The following TBC1D4 variants were observed in gnomAD, a reference collection of about 807,000 sequenced individuals.
TBC1D4 encodes TBC1 domain family member 4, also known as TBC (Tre-2, BUB2, CDC16) domain-containing protein.
Under a neutral mutation model 142.5 loss-of-function variants are expected in TBC1D4, and 121 were observed. The ratio of observed to expected loss-of-function variants is 0.85; its 90% CI spans 0.73 to 0.99. TBC1D4 has a LOEUF of 0.99. Among genes scored for constraint, TBC1D4 ranks in the 50% least tolerant of loss-of-function variants. The pLI is 0.00. For missense variants in TBC1D4, 1,475 were observed against 1,606.6 expected, an observed-to-expected ratio of 0.92 and a Z score of 1.40; for synonymous variants, 630 against 628.2, an observed-to-expected ratio of 1.00 and a Z score of -0.04.
In TBC1D4 at chr13:75,362,529, CATT is replaced by C. The variant is rs753067499; in HGVS notation, c.574_576del (p.Asn192del). 6.2e-7 allele frequency: 1 copy of C among 1,614,220 alleles called. No homozygotes were observed. The highest frequency in any genetic ancestry group is 8.5e-7 in the Non-Finnish European group (1 of 1,180,052). On this transcript the variant is annotated inframe_deletion, in exon 2 of 21. Transcript: ENST00000377636. This position sits in a 1 kb window ranked among gnomAD's most constrained non-coding sequence, Gnocchi z 4.2. ...TTCTGAGAGTTGTAAAAGGCGTCCT[CATT>C]ATCTTTGCTGGGTTTGGCATCCTCT...
intron 1 of TBC1D4, among the ~76,000 whole-genome samples, chr13:75,416,575 A>T (rs1176398063): frequency 6.6e-6 from 1 of 152,180 alleles, no homozygotes; most frequent in East Asian, 1.9e-4. Context: ...AGAGCAACAT[A>T]CAAGCAATAC....
At chr13:75,433,628 A>T (rs940318381) in intron 1 of TBC1D4, among the ~76,000 whole-genome samples, 4 of 152,220 alleles carry the variant, frequency 2.6e-5, no homozygotes, top group African/African-American at 9.6e-5. Context: ...ATTCTAATAC[A>T]CACAATACTC....
At chr13:75,410,059 T>A (rs1885557084) in intron 1 of TBC1D4, among the ~76,000 whole-genome samples, 2 of 152,358 alleles carry the variant, frequency 1.3e-5, no homozygotes, top group Admixed American at 6.5e-5. Flanking sequence ...GCCTGCCTTG[T>A]ATAAACAAAA....
intron 1 of TBC1D4, among the ~76,000 whole-genome samples, chr13:75,474,516 G>A (rs956252042): frequency 8.5e-5 from 13 of 152,114 alleles, no homozygotes; most frequent in Admixed American, 3.3e-4. Context: ...CCGAGATTGC[G>A]CCACTGCACT....
Position 75,348,825 on chromosome 13 carries a change from C to T in TBC1D4, c.1408+345G>A, listed in dbSNP as rs551748406. 9.9e-5 allele frequency among the ~76,000 whole-genome samples: 15 copies of T among 152,194 alleles called. No individual in the cohort carries two copies. The South Asian group carries it at 2.9e-3, about 29-fold the overall frequency. On this transcript the variant is annotated intron_variant, in intron 5 of 20. Transcript: ENST00000377636. ...GTTTTGTCTCTCTTCATTCATTCAA[C>T]AAATATTTGGTCAGTTCCCACCATG... is the stretch of plus-strand genomic sequence containing the variant.
At chr13:75,335,992 T>C (rs1161017055) in intron 8 of TBC1D4, among the ~76,000 whole-genome samples, 1 of 152,242 alleles carries the variant, frequency 6.6e-6, no homozygotes, top group East Asian at 1.9e-4. Context: ...TGAGCATCAG[T>C]ATTCTATTTC....
intron 1 of TBC1D4, among the ~76,000 whole-genome samples, chr13:75,441,733 A>T (rs1887049558): frequency 6.6e-6 from 1 of 152,222 alleles, no homozygotes; most frequent in Non-Finnish European, 1.5e-5. Flanking sequence ...TTAACTCAGA[A>T]ACAGAATGAC....
At chr13:75,436,553 G>C (rs1344304277) in intron 1 of TBC1D4, among the ~76,000 whole-genome samples, 3 of 151,984 alleles carry the variant, frequency 2.0e-5, no homozygotes, top group Non-Finnish European at 4.4e-5. Context: ...CTACTCAGGA[G>C]GCTGAGGTGG....
intron 6 of TBC1D4, 33 bp downstream of exon 6, chr13:75,341,463 T>C (rs376528181): frequency 5.7e-6 from 9 of 1,586,432 alleles, no homozygotes; most frequent in Middle Eastern, 1.7e-4. Flanking sequence ...TCATTCCTTA[T>C]GTCTTATTTA....
intron 1 of TBC1D4, among the ~76,000 whole-genome samples, chr13:75,399,718 T>C (rs1884985780): frequency 6.6e-6 from 1 of 152,216 alleles, no homozygotes; most frequent in African/African-American, 2.4e-5. Flanking sequence ...ACCCATAAAT[T>C]CTTTGATGGG....
At chr13:75,434,589 C>T (rs1391831631) in intron 1 of TBC1D4, among the ~76,000 whole-genome samples, 1 of 151,922 alleles carries the variant, frequency 6.6e-6, no homozygotes, top group African/African-American at 2.4e-5. Context: ...AACAAACCCC[C>T]GTGACATGTG....
At chr13:75,306,619 G>A in intron 14 of TBC1D4, 148 bp from the exon 15 acceptor site, 1 of 937,792 alleles carries the variant, frequency 1.1e-6, no homozygotes, top group Non-Finnish European at 1.6e-6. Context: ...ACAAATTGAG[G>A]ATACATGAAA....
At chr13:75,390,750 G>A (rs1311141548) in intron 1 of TBC1D4, among the ~76,000 whole-genome samples, 1 of 150,752 alleles carries the variant, frequency 6.6e-6, no homozygotes, top group Non-Finnish European at 1.5e-5. Context: ...ATTGTCAAAA[G>A]AGAAAAACCT....
At chr13:75,350,349 A>T (rs565678475) in intron 4 of TBC1D4, among the ~76,000 whole-genome samples, 1 of 152,342 alleles carries the variant, frequency 6.6e-6, no homozygotes, top group South Asian at 2.1e-4. Flanking sequence ...TCAGTATATG[A>T]GGAAACTGAA....
chr13:75,401,273 T>C (rs886502119), intron 1 of TBC1D4, among the ~76,000 whole-genome samples: 5 of 152,222 alleles, frequency 3.3e-5, no homozygotes, highest in African/African-American at 4.8e-5. Context: ...TCCCCCTTTC[T>C]TCCTCTGAAG....
intron 1 of TBC1D4, among the ~76,000 whole-genome samples, chr13:75,405,644 T>C (rs1052818872): frequency 2.0e-5 from 3 of 152,196 alleles, no homozygotes; most frequent in Admixed American, 1.3e-4. Flanking sequence ...GAAAGGGAAG[T>C]TATTTTTCTT....
intron 9 of TBC1D4, among the ~76,000 whole-genome samples, chr13:75,327,053 C>G (rs183149003): frequency 1.3e-5 from 2 of 152,082 alleles, no homozygotes; most frequent in Admixed American, 1.3e-4. Flanking sequence ...GAATGAAAAC[C>G]GAGCTATGCT....
chr13:75,448,195 TAA>T (rs1362118699), intron 1 of TBC1D4, among the ~76,000 whole-genome samples: 1 of 152,266 alleles, frequency 6.6e-6, no homozygotes, highest in Non-Finnish European at 1.5e-5. Flanking sequence ...AAATGCTTAA[TAA>T]AAGTTTACTG....
At position 75,324,243 on chromosome 13, in the gene TBC1D4, T is replaced by A; in HGVS notation, c.2192A>T (p.Glu731Val). The A allele has an allele frequency of 1.2e-6, 2 of 1,613,860 alleles. No individual in the cohort carries two copies. The highest frequency in any genetic ancestry group is 1.7e-6 in the Non-Finnish European group (2 of 1,179,746). ...CAGAGGACACTGATCTCACCTGATT[T>A]CATTTTCATACTGTGGGGACAGTCT... ...SGRLSPQYEN[E>V]IRQDTASESS... Residue 731 changes from glutamate to valine, a missense_variant, in exon 11 of 21, where the codon GAA (glutamate) becomes GTA (valine). Glu to Val is a moderately radical substitution (Grantham distance 121). Around this residue, in one of 2 missense-constraint regions of TBC1D4, gnomAD observed 1,227 missense variants for 1,267.7 expected, o/e 0.97. Coordinates refer to ENST00000377636, the MANE Select transcript of TBC1D4 (RefSeq NM_014832.5).
Sources: gnomAD v4.1 joint callset for allele counts (sites outside exome capture counted in the v4.1 genomes callset) on GRCh38, gnomAD v4.1.1 for gene constraint, gnomAD v4.1.1 regional missense constraint, Gnocchi (gnomAD v3.1) non-coding constraint, MANE v1.5 for transcripts, NCBI Gene and HGNC (gene_info 2026-07-23, HGNC 2026-07-21) for gene names.